CAP1: variants seen among roughly 807,000 people sequenced by gnomAD.
The protein encoded by CAP1 is adenylyl cyclase-associated protein 1.
In CAP1, 11 loss-of-function variants were observed where a neutral mutation model predicts 58.2. The ratio of observed to expected loss-of-function variants is 0.19; its 90% CI spans 0.12 to 0.31. The LOEUF (loss-of-function observed/expected upper bound fraction) is 0.31, where lower values mean the gene tolerates loss of function less well. CAP1 is among the 10% of genes least tolerant of loss of function. CAP1 has a pLI of 1.00. For missense variants in CAP1, 423 were observed against 587.5 expected (o/e 0.72, Z 2.89); for synonymous variants, 183 against 213.8 (o/e 0.86, Z 1.26).
In CAP1 at chr1:40,054,190, GTTC is replaced by G. The variant is rs767251517; in HGVS notation, c.-10-5144_-10-5142del. The stretch of plus-strand genomic sequence containing the variant: ...ACTCAAACACCTTTATTAGCCCACT[GTTC>G]TTTTTTTTTTTTTTGGAAACATAAT... On this transcript the variant is annotated intron_variant, in intron 1 of 12. Transcript: ENST00000372805. Among the ~76,000 whole-genome samples, 16 of 128,148 alleles carry G rather than the reference GTTC, an allele frequency of 1.2e-4. No homozygotes were observed. In the East Asian group the frequency reaches 3.6e-3, roughly 29 times the overall value. 84.1% of individuals were successfully genotyped at this position (128,148 alleles called of 152,430 possible).
At chr1:40,053,422 G>T (rs1646468839) in intron 1 of CAP1, among the ~76,000 whole-genome samples, 1 of 151,996 alleles carries the variant, frequency 6.6e-6, no homozygotes, top group African/African-American at 2.4e-5. Context: ...CTAGGCCTAG[G>T]TTCTTTACTC....
At chr1:40,044,788 CTTTTTTTTTTTTTTTT>C (rs71060347) in intron 1 of CAP1, among the ~76,000 whole-genome samples, 7 of 85,236 alleles carry the variant, frequency 8.2e-5, no homozygotes, top group South Asian at 9.1e-4. Flanking sequence ...CCATATAATT[CTTTTTTTTTTTTTTTT>C]TTTTTTTTTT....
intron 4 of CAP1, 127 bp from the exon 5 acceptor site, chr1:40,064,100 C>G (rs1316946634): frequency 1.2e-6 from 1 of 815,122 alleles, no homozygotes; most frequent in Non-Finnish European, 2.0e-6. Flanking sequence ...GGAATCAGGA[C>G]AGGACTCATG....
In CAP1 at chr1:40,070,461, T is replaced by C. The variant is rs767122192; in HGVS notation, c.1149T>C (p.Asp383=). 40 of 1,614,042 alleles carry C rather than the reference T, an allele frequency of 2.5e-5. No homozygotes were observed. The highest frequency in any genetic ancestry group is 3.3e-5 in the Non-Finnish European group (39 of 1,179,990). ...GTAAGAAACTTGGCCTGGTATTCGA[T>C]GACGTGGTGGGCATTGTGGAGATAA... The part of the protein sequence containing the change: ...DNCKKLGLVF[D]DVVGIVEIIN... Residue 383 remains aspartate (D), a synonymous_variant, in exon 11 of 13, where the codon GAT becomes GAC. Coordinates refer to ENST00000372805, the MANE Select transcript of CAP1 (RefSeq NM_006367.4).
At chr1:40,051,077 A>G (rs549935227) in intron 1 of CAP1, among the ~76,000 whole-genome samples, 91 of 152,108 alleles carry the variant, frequency 6.0e-4, no homozygotes, top group Non-Finnish European at 1.1e-3. Flanking sequence ...AAGATGCCTC[A>G]CTTCCCTCCT....
Position 40,072,163 on chromosome 1 carries a change from C to A in CAP1, c.*630C>A. 2.5e-6 allele frequency: 1 copy of A among 398,530 alleles called. No homozygotes were observed. Among genetic ancestry groups the A allele is most frequent in the South Asian group, 1.3e-4 (1 of 7,570 alleles). 24.7% of individuals were successfully genotyped at this position (398,530 alleles called of 1,614,324 possible). On this transcript the variant is annotated 3_prime_UTR_variant, in exon 13 of 13. Transcript: ENST00000372805. ...CTGGTACTAGCTGCTGTAGCAGTGC[C>A]CTTCATCCAGGGCAGTTAATGGAGT...
At chr1:40,070,709 C>CA in intron 11 of CAP1, 127 bp from the exon 12 acceptor site, 1 of 925,614 alleles carries the variant, frequency 1.1e-6, no homozygotes, top group Non-Finnish European at 1.7e-6. Flanking sequence ...CCCGAGTATC[C>CA]AGTGTCTTGC....
In CAP1 at chr1:40,070,960, C is replaced by T; in HGVS notation, c.1325C>T (p.Pro442Leu). ...TCTTCCGAGATGAATGTCCTCATTC[C>T]TACAGAAGGCGGTGACTTTGTAAGT... ...AKSSEMNVLI[P>L]TEGGDFNEFP... The change falls in exon 12 of 13, where the codon CCT becomes CTT. Residue 442 changes from proline (P) to leucine (L), a missense_variant. Transcript: ENST00000372805. The T allele has an allele frequency of 6.2e-7, 1 of 1,612,342 alleles. No individual in the cohort carries two copies. Among genetic ancestry groups the T allele is most frequent in the Non-Finnish European group, 8.5e-7 (1 of 1,179,380 alleles).
At chr1:40,042,038 T>C (rs1249128853) in intron 1 of CAP1, among the ~76,000 whole-genome samples, 1 of 151,958 alleles carries the variant, frequency 6.6e-6, no homozygotes, top group Non-Finnish European at 1.5e-5. Flanking sequence ...TTTTATTTAA[T>C]TTATTTATTT....
intron 7 of CAP1, 99 bp downstream of exon 7, chr1:40,066,419 A>T: frequency 1.5e-6 from 1 of 670,090 alleles, no homozygotes; most frequent in East Asian, 2.8e-5. Flanking sequence ...AAAGTCTGTG[A>T]GGGAATGCTA....
chr1:40,069,648 C>T (rs1285880196), intron 8 of CAP1, 42 bp from the exon 9 acceptor site: 1 of 1,553,374 alleles, frequency 6.4e-7, no homozygotes, highest in African/African-American at 1.4e-5. Context: ...GCTCAAAGGT[C>T]TGGTATGAAG....
intron 1 of CAP1, among the ~76,000 whole-genome samples, chr1:40,046,985 C>T (rs1646138074): frequency 6.6e-6 from 1 of 152,126 alleles, no homozygotes; most frequent in Non-Finnish European, 1.5e-5. Context: ...ATTGGCCAGG[C>T]TGGTCTCAAA....
intron 1 of CAP1, among the ~76,000 whole-genome samples, chr1:40,052,594 A>G (rs1051459094): frequency 1.3e-5 from 2 of 152,094 alleles, no homozygotes; most frequent in East Asian, 1.9e-4. Flanking sequence ...AGATTTTGCT[A>G]TGTTGCCCAG....
rs1391500754 is a variant in CAP1, at chr1:40,040,746, C to G, written c.-66C>G. 6.5e-6 allele frequency: 1 copy of G among 152,986 alleles called. No homozygotes were observed. Among genetic ancestry groups the G allele is most frequent in the African/African-American group, 2.4e-5 (1 of 41,476 alleles). The allele number at this position is 152,986 out of a possible 1,614,324, so 9.5% of individuals were successfully genotyped here. ...GTCGCGCGGAGATTGCTGGGCGGTT[C>G]TTGCCGGAAGCGGAGAGCGGCTGAT... On this transcript the variant is annotated 5_prime_UTR_variant, in exon 1 of 13. Transcript: ENST00000372805.
chr1:40,055,706 C>T (rs902075562), intron 1 of CAP1, among the ~76,000 whole-genome samples: 2 of 152,052 alleles, frequency 1.3e-5, no homozygotes, highest in Non-Finnish European at 2.9e-5. Context: ...ACAAGGTCTC[C>T]CTATGTTGCC....
At position 40,059,374 on chromosome 1, in the gene CAP1, A is replaced by G; in HGVS notation, c.28A>G (p.Arg10Gly). 6.2e-7 allele frequency: 1 copy of G among 1,613,384 alleles called. No homozygotes were observed. The highest frequency in any genetic ancestry group is 8.5e-7 in the Non-Finnish European group (1 of 1,179,326). ...GGCTGACATGCAAAATCTGGTAGAA[A>G]GATTGGAGAGGGCAGTGGGCCGCCT... MADMQNLVE[R>G]LERAVGRLEA... The change falls in exon 2 of 13, where the codon AGA becomes GGA. Residue 10 changes from arginine to glycine, a missense_variant. Transcript: ENST00000372805.
At chr1:40,063,796 G>A (rs6679001) in intron 4 of CAP1, among the ~76,000 whole-genome samples, 4,289 of 152,290 alleles carry the variant, frequency 0.028, 202 homozygotes, top group African/African-American at 0.095. Context: ...GCCAAGATTG[G>A]TTATGCTGAC....
At chr1:40,045,659 A>G (rs1444901102) in intron 1 of CAP1, among the ~76,000 whole-genome samples, 1 of 152,100 alleles carries the variant, frequency 6.6e-6, no homozygotes, top group African/African-American at 2.4e-5. Context: ...GGGTTCAAGC[A>G]GTTCTCCTGC....
chr1:40,049,140 T>C (rs1373791566), intron 1 of CAP1, among the ~76,000 whole-genome samples: 3 of 150,822 alleles, frequency 2.0e-5, no homozygotes, highest in South Asian at 4.2e-4. Context: ...AGTATAAGAG[T>C]GTGAAGCAGC....
Sources: gnomAD v4.1 joint callset for allele counts (sites outside exome capture counted in the v4.1 genomes callset) on GRCh38, gnomAD v4.1.1 for gene constraint, MANE v1.5 for transcripts, NCBI Gene and HGNC (gene_info 2026-07-23, HGNC 2026-07-21) for gene names.